The following AASS variants were observed in gnomAD, a reference collection of about 807,000 sequenced individuals.
AASS encodes the protein aminoadipate-semialdehyde synthase, also known as alpha-aminoadipic semialdehyde synthase, mitochondrial.
Under a neutral mutation model 105.4 loss-of-function variants are expected in AASS, and 86 were observed. That is an observed-to-expected ratio of 0.82 (90% confidence interval 0.69 to 0.98). The LOEUF (loss-of-function observed/expected upper bound fraction) is 0.98. AASS is among the 50% of genes least tolerant of loss of function. The pLI is 0.00. For synonymous variants in AASS, 381 were observed against 394.8 expected, an observed-to-expected ratio of 0.96 and a Z score of 0.41; for missense variants, 1,048 against 1,143.2, an observed-to-expected ratio of 0.92 and a Z score of 1.20.
chr7:122,107,575 A>C (rs1272969728), intron 11 of AASS, among the ~76,000 whole-genome samples: 1 of 152,218 alleles, frequency 6.6e-6, no homozygotes, highest in Non-Finnish European at 1.5e-5. Flanking sequence ...GCCATAAAAA[A>C]GAATGAGATC....
intron 19 of AASS, among the ~76,000 whole-genome samples, chr7:122,084,347 G>T (rs1793519094): frequency 6.6e-6 from 1 of 152,014 alleles, no homozygotes; most frequent in South Asian, 2.1e-4. Flanking sequence ...ATCTCTTTTG[G>T]GAGATAAGAA....
intron 10 of AASS, among the ~76,000 whole-genome samples, 168 bp downstream of exon 10, chr7:122,113,430 T>G (rs922789035): frequency 2.6e-5 from 4 of 152,210 alleles, no homozygotes; most frequent in African/African-American, 7.2e-5. Flanking sequence ...TATTTGTGTA[T>G]GTGTGTGTGT....
intron 1 of AASS, among the ~76,000 whole-genome samples, chr7:122,143,634 G>T (rs1796502267): frequency 6.6e-6 from 1 of 151,834 alleles, no homozygotes; most frequent in African/African-American, 2.4e-5. Context: ...GATGGACAAG[G>T]AGAGAAGTTT....
At chr7:122,104,799 G>A (rs1448059856) in intron 11 of AASS, among the ~76,000 whole-genome samples, 1 of 151,974 alleles carries the variant, frequency 6.6e-6, no homozygotes, top group Non-Finnish European at 1.5e-5. Context: ...GGAGGAGGGT[G>A]AAGACTGAAA....
intron 8 of AASS, 109 bp downstream of exon 8, chr7:122,116,524 C>T: frequency 7.0e-7 from 1 of 1,429,390 alleles, no homozygotes; most frequent in Non-Finnish European, 9.8e-7. Flanking sequence ...AAAGGACTCA[C>T]AACAGGAAAA....
At chr7:122,133,400 A>T in intron 2 of AASS, 117 bp downstream of exon 2, 1 of 1,155,286 alleles carries the variant, frequency 8.7e-7, no homozygotes, top group Non-Finnish European at 1.3e-6. Context: ...TAATACTTTT[A>T]ATCAAAGTAA....
chr7:122,086,214 A>G (rs1793616516), intron 18 of AASS, 35 bp from the exon 19 acceptor site: 1 of 1,609,162 alleles, frequency 6.2e-7, no homozygotes, highest in Admixed American at 1.7e-5. Context: ...ATGGGGTTAC[A>G]GCTGTTCCTT....
chr7:122,087,253 T>A (rs752125735), intron 18 of AASS, among the ~76,000 whole-genome samples: 11 of 152,120 alleles, frequency 7.2e-5, no homozygotes, highest in Admixed American at 6.6e-4. Flanking sequence ...TGAACGTGCC[T>A]TTGTATGAGA....
intron 13 of AASS, among the ~76,000 whole-genome samples, chr7:122,100,805 G>GT (rs966851423): frequency 2.6e-5 from 4 of 151,810 alleles, no homozygotes; most frequent in African/African-American, 9.7e-5. Context: ...CCTTTCTAAA[G>GT]TAACTATTCT....
At chr7:122,112,697 T>C (rs142295365) in intron 11 of AASS, among the ~76,000 whole-genome samples, 36 of 152,286 alleles carry the variant, frequency 2.4e-4, no homozygotes, top group African/African-American at 8.2e-4. Context: ...GACCTCAACA[T>C]AAGCTGTCAC....
chr7:122,079,415 T>C (rs972042523), intron 21 of AASS, 182 bp downstream of exon 21: 2 of 1,229,368 alleles, frequency 1.6e-6, no homozygotes, highest in South Asian at 1.5e-5. Flanking sequence ...CTAATTGCCA[T>C]TGAGCTCCTC....
chr7:122,112,037 A>T (rs1351187649), intron 11 of AASS, among the ~76,000 whole-genome samples: 1 of 152,190 alleles, frequency 6.6e-6, no homozygotes, highest in African/African-American at 2.4e-5. Flanking sequence ...ATCTCCAGCA[A>T]AGCCTGGCAT....
intron 18 of AASS, among the ~76,000 whole-genome samples, chr7:122,088,497 TA>T (rs1484873544): frequency 6.6e-6 from 1 of 152,152 alleles, no homozygotes; most frequent in Non-Finnish European, 1.5e-5. Context: ...TTCCTTCAAC[TA>T]CACTGTCCCC....
chr7:122,079,538 A>C, intron 21 of AASS, 59 bp downstream of exon 21: 1 of 1,363,818 alleles, frequency 7.3e-7, no homozygotes, highest in Non-Finnish European at 1.0e-6. Context: ...TTTTCTGAGT[A>C]GAAATTAGCA....
rs1793984104 is a variant in AASS at position 122,093,096 on chromosome 7, A to G, written c.1718T>C (p.Met573Thr). The change falls in exon 16 of 24, where the codon ATG (methionine) becomes ACG (threonine). Residue 573 changes from methionine to threonine, a missense_variant. Coordinates refer to ENST00000417368, the MANE Select transcript of AASS (RefSeq NM_005763.4). ...TGGTGTGATGTAGCTTGCAGTGACCATGTTAACTTTGTTTGTGATGCAGGC... is the reference window on the plus strand; with the variant it reads ...TGGTGTGATGTAGCTTGCAGTGACCGTGTTAACTTTGTTTGTGATGCAGGC... ...AKACITNKVN[M>T]VTASYITPAL... 4 of 1,613,990 alleles carry G rather than the reference A, an allele frequency of 2.5e-6. No individual in the cohort carries two copies. The highest frequency in any genetic ancestry group is 3.4e-6 in the Non-Finnish European group (4 of 1,179,890).
chr7:122,128,406 C>T (rs1214672922), intron 3 of AASS, among the ~76,000 whole-genome samples: 1 of 152,198 alleles, frequency 6.6e-6, no homozygotes, highest in Non-Finnish European at 1.5e-5. Context: ...CCTTCACCTC[C>T]TTTAGATTGT....
chr7:122,133,568 C>T lies in AASS; in HGVS notation c.159G>A (p.Leu53=). 1.2e-5 allele frequency: 19 copies of T among 1,614,154 alleles called. No homozygotes were observed. Among genetic ancestry groups the T allele is most frequent in the Non-Finnish European group, 1.6e-5 (19 of 1,180,032 alleles). ...AAGGCTGTATCAAGACCTTGTATCC[C>T]AGATTGGTGATGCCTTTGATGTGCT... ...APKHIKGITN[L]GYKVLIQPSN... The change falls in exon 2 of 24, where the codon CTG becomes CTA. Residue 53 remains leucine (L), a synonymous_variant. Coordinates refer to ENST00000417368, the MANE Select transcript of AASS (RefSeq NM_005763.4).
At chr7:122,105,945 G>GA (rs1448827671) in intron 11 of AASS, among the ~76,000 whole-genome samples, 1 of 152,000 alleles carries the variant, frequency 6.6e-6, no homozygotes, top group African/African-American at 2.4e-5. Context: ...GAGTTTGTTT[G>GA]AAAAGGTAAA....
intron 9 of AASS, 95 bp from the exon 10 acceptor site, chr7:122,113,815 A>T: frequency 1.4e-6 from 2 of 1,415,532 alleles, no homozygotes; most frequent in Non-Finnish European, 1.9e-6. Flanking sequence ...TTCAATGTGG[A>T]TCCCAAATAT....
Sources: allele counts gnomAD v4.1 joint callset (sites outside exome capture counted in the v4.1 genomes callset), GRCh38; gene constraint gnomAD v4.1.1; transcripts MANE v1.5; gene names NCBI Gene and HGNC (gene_info 2026-07-23, HGNC 2026-07-21).